CAMKMT: variants seen among roughly 807,000 people sequenced by gnomAD.
CAMKMT encodes calmodulin-lysine N-methyltransferase.
A neutral mutation model predicts 48.0 loss-of-function variants in CAMKMT; 53 were observed. The observed-to-expected ratio is 1.10, with a 90% confidence interval of 0.89 to 1.39. The LOEUF (loss-of-function observed/expected upper bound fraction) is 1.39. Ranked by LOEUF, CAMKMT falls within the 40% of genes most tolerant of loss-of-function variation. The pLI is 0.00. For synonymous variants in CAMKMT, 165 were observed against 152.3 expected (o/e 1.08, Z -0.61); for missense variants, 428 against 402.7 (o/e 1.06, Z -0.54).
chr2:44,362,593 T>C (rs767179640), intron 1 of CAMKMT, among the ~76,000 whole-genome samples: 1 of 152,182 alleles, frequency 6.6e-6, no homozygotes, highest in Non-Finnish European at 1.5e-5. Context: ...CCCAGCGTGG[T>C]TGACTATGCC....
At chr2:44,447,105 T>C (rs1227968677) in intron 3 of CAMKMT, among the ~76,000 whole-genome samples, 1 of 151,992 alleles carries the variant, frequency 6.6e-6, no homozygotes, top group Non-Finnish European at 1.5e-5. Context: ...AAAGTTGGAG[T>C]TTTATTTAGT....
chr2:44,671,653 T>G (rs1466801646), intron 3 of CAMKMT, among the ~76,000 whole-genome samples: 1 of 152,228 alleles, frequency 6.6e-6, no homozygotes. Context: ...TAGAGACATC[T>G]CATGCCTTAT....
intron 3 of CAMKMT, among the ~76,000 whole-genome samples, chr2:44,669,039 T>G (rs1277965171): frequency 6.6e-6 from 1 of 152,170 alleles, no homozygotes; most frequent in Non-Finnish European, 1.5e-5. Context: ...CACTTCAGCC[T>G]CCCACAGTGC....
At chr2:44,578,984 A>T (rs544460366) in intron 3 of CAMKMT, among the ~76,000 whole-genome samples, 1 of 152,360 alleles carries the variant, frequency 6.6e-6, no homozygotes, top group South Asian at 2.1e-4. Flanking sequence ...GCAGTGGTGG[A>T]AGTGAAACCA....
intron 3 of CAMKMT, among the ~76,000 whole-genome samples, chr2:44,584,724 C>G (rs982571277): frequency 6.6e-6 from 1 of 151,846 alleles, no homozygotes; most frequent in Non-Finnish European, 1.5e-5. Context: ...GTCTAGTGGC[C>G]TAAAGTGGGA....
chr2:44,478,292 GTCTA>G (rs1231618154), intron 3 of CAMKMT, among the ~76,000 whole-genome samples: 1 of 152,026 alleles, frequency 6.6e-6, no homozygotes. Context: ...TTTGTTCTAA[GTCTA>G]TATATTTTTT....
intron 3 of CAMKMT, among the ~76,000 whole-genome samples, chr2:44,469,057 G>T (rs1298827195): frequency 6.6e-6 from 1 of 152,112 alleles, no homozygotes; most frequent in African/African-American, 2.4e-5. Flanking sequence ...ATTGGGAGAG[G>T]TTGGTTAATG....
intron 3 of CAMKMT, among the ~76,000 whole-genome samples, chr2:44,543,524 A>G (rs755201353): frequency 1.2e-4 from 18 of 152,226 alleles, no homozygotes; most frequent in Non-Finnish European, 2.6e-4. Flanking sequence ...GTGGTGCTGA[A>G]TGTAAACATC....
intron 3 of CAMKMT, among the ~76,000 whole-genome samples, chr2:44,419,417 C>A (rs1683777488): frequency 6.6e-6 from 1 of 152,170 alleles, no homozygotes; most frequent in African/African-American, 2.4e-5. Context: ...TATTCTTGAA[C>A]TCAGCAGTTC....
rs1558589089 is a variant in CAMKMT, at chr2:44,410,231, G to GTATATATATATAGTCTATAGGCTATA, written c.376+19938_376+19939insGTCTATAGGCTATATATATATATATA. 1.5e-4 allele frequency among the ~76,000 whole-genome samples: 3 copies of GTATATATATATAGTCTATAGGCTATA among 20,446 alleles called. 1 individual carries two copies. Among genetic ancestry groups the GTATATATATATAGTCTATAGGCTATA allele is most frequent in the African/African-American group, 5.5e-4 (3 of 5,450 alleles). 13.4% of individuals were successfully genotyped at this position (20,446 alleles called of 152,430 possible). A position where few individuals can be genotyped will look rare whatever the true frequency, so the allele number is the denominator to read the frequency against. ...AACTTAAGTAATTAGTCAGGTATCA[G>GTATATATATATAGTCTATAGGCTATA]TATATATATATATATATTTTTTTTT... On this transcript the variant is annotated intron_variant, in intron 3 of 10. Coordinates refer to ENST00000378494, the MANE Select transcript of CAMKMT (RefSeq NM_024766.5).
intron 3 of CAMKMT, among the ~76,000 whole-genome samples, chr2:44,430,401 T>C (rs1433217855): frequency 6.6e-6 from 1 of 151,922 alleles, no homozygotes; most frequent in Non-Finnish European, 1.5e-5. Flanking sequence ...AAGTGAAATG[T>C]TGAGAAGGCA....
chr2:44,373,843 G>T (rs757433540), intron 2 of CAMKMT, among the ~76,000 whole-genome samples: 5 of 152,060 alleles, frequency 3.3e-5, no homozygotes, highest in Non-Finnish European at 7.4e-5. Flanking sequence ...GAAAATGCCG[G>T]CTGGGCGCAG....
chr2:44,494,707 C>G (rs1234459685), intron 3 of CAMKMT, among the ~76,000 whole-genome samples: 2 of 152,158 alleles, frequency 1.3e-5, no homozygotes, highest in African/African-American at 2.4e-5. Context: ...TTAGTTAAAA[C>G]CTACCAATTA....
rs114308693 is a variant in CAMKMT at position 44,427,007 on chromosome 2, A to C, written c.376+36702A>C. Among the ~76,000 whole-genome samples, 607 of 152,294 alleles carry C rather than the reference A, an allele frequency of 4.0e-3. 2 individuals carry two copies. Among genetic ancestry groups the C allele is most frequent in the Middle Eastern group, 0.01 (3 of 294 alleles). ...CAATGGAACAGAATAGAGAATCCTG[A>C]AATAAAGCCATATACCTACAACCAA... On this transcript the variant is annotated intron_variant, in intron 3 of 10. Coordinates refer to ENST00000378494, the MANE Select transcript of CAMKMT (RefSeq NM_024766.5).
In CAMKMT at chr2:44,618,210, T is replaced by C. The variant is rs1247460890; in HGVS notation, c.377-86073T>C. ...TATTGATCAAAGAGGTTTTGTTGGG[T>C]AGCTCTCAGATTATTGAGTGACAAA... On this transcript the variant is annotated intron_variant, in intron 3 of 10. Transcript: ENST00000378494. The surrounding 1 kb of genome is among the most constrained non-coding windows in gnomAD (Gnocchi z 4.0). Among the ~76,000 whole-genome samples the C allele has an allele frequency of 6.6e-6, 1 of 152,178 alleles. No individual in the cohort carries two copies. Among genetic ancestry groups the C allele is most frequent in the Non-Finnish European group, 1.5e-5 (1 of 68,030 alleles).
intron 8 of CAMKMT, among the ~76,000 whole-genome samples, chr2:44,745,777 GTC>G (rs1411411927): frequency 6.6e-6 from 1 of 152,144 alleles, no homozygotes; most frequent in Non-Finnish European, 1.5e-5. Context: ...TTTGGTAATG[GTC>G]TCTCTTCATA....
At chr2:44,724,223 A>G (rs1190183663) in intron 7 of CAMKMT, among the ~76,000 whole-genome samples, 1 of 152,180 alleles carries the variant, frequency 6.6e-6, no homozygotes, top group Non-Finnish European at 1.5e-5. Context: ...GTGTGTCATC[A>G]TCCTGCCTGT....
At chr2:44,753,947 T>C (rs1680263508) in intron 8 of CAMKMT, 108 bp from the exon 9 acceptor site, 2 of 771,650 alleles carry the variant, frequency 2.6e-6, no homozygotes, top group East Asian at 2.6e-5. Flanking sequence ...AATTTCTCTT[T>C]TTTAGCGTTG....
chr2:44,480,158 C>G (rs1668892699), intron 3 of CAMKMT, among the ~76,000 whole-genome samples: 1 of 152,128 alleles, frequency 6.6e-6, no homozygotes, highest in South Asian at 2.1e-4. Context: ...GATTTTATAA[C>G]TCTCTTTAAG....
Sources: allele counts gnomAD v4.1 joint callset (sites outside exome capture counted in the v4.1 genomes callset), GRCh38; gene constraint gnomAD v4.1.1; non-coding constraint Gnocchi (gnomAD v3.1); transcripts MANE v1.5; gene names NCBI Gene and HGNC (gene_info 2026-07-23, HGNC 2026-07-21).